Variants in GALNT17 observed in about 807,000 individuals in gnomAD.
The protein encoded by GALNT17 is UDP-GalNAc:polypeptide N-acetylgalactosaminyltransferase-like 3.
A neutral mutation model predicts 63.7 loss-of-function variants in GALNT17; 29 were observed. The ratio of observed to expected loss-of-function variants is 0.46; its 90% CI spans 0.34 to 0.62. The LOEUF is 0.62. Among genes scored for constraint, GALNT17 ranks in the 20% least tolerant of loss-of-function variants. The pLI, the probability that GALNT17 is intolerant of heterozygous loss-of-function variation, is 0.01. For synonymous variants in GALNT17, 305 were observed against 318.3 expected (o/e 0.96, Z 0.45); for missense variants, 603 against 799.6 (o/e 0.75, Z 2.97).
intron 6 of GALNT17, among the ~76,000 whole-genome samples, chr7:71,642,434 A>T (rs559528336): frequency 6.6e-6 from 1 of 152,358 alleles, no homozygotes; most frequent in East Asian, 1.9e-4. Context: ...CTCCAAAAGC[A>T]GGCCCCCAAG....
At chr7:71,522,613 G>T (rs2116756016) in intron 5 of GALNT17, among the ~76,000 whole-genome samples, 1 of 152,168 alleles carries the variant, frequency 6.6e-6, no homozygotes, top group African/African-American at 2.4e-5. Context: ...CTCCCACTGG[G>T]TCCCTCCCAT....
At chr7:71,217,140 G>GGTT (rs1554340002) in intron 1 of GALNT17, among the ~76,000 whole-genome samples, 3 of 95,216 alleles carry the variant, frequency 3.2e-5, no homozygotes, top group Admixed American at 1.0e-4. Context: ...ATTTTTTCGT[G>GGTT]TTTTGTTTTT....
At chr7:71,645,597 T>G (rs1790665459) in intron 6 of GALNT17, among the ~76,000 whole-genome samples, 2 of 152,146 alleles carry the variant, frequency 1.3e-5, no homozygotes, top group South Asian at 4.1e-4. Flanking sequence ...AGTGTGAAAA[T>G]GAACTATTAC....
intron 1 of GALNT17, among the ~76,000 whole-genome samples, chr7:71,235,719 A>C (rs1224798933): frequency 5.3e-5 from 8 of 152,216 alleles, no homozygotes; most frequent in Non-Finnish European, 1.0e-4. Context: ...ACTTCTATTT[A>C]GTCTAGCCTG....
intron 6 of GALNT17, among the ~76,000 whole-genome samples, chr7:71,624,231 G>A (rs186155270): frequency 7.2e-5 from 11 of 152,308 alleles, no homozygotes; most frequent in Admixed American, 7.2e-4. Context: ...TGGGAAGTTA[G>A]GGAGCTGTGC....
intron 1 of GALNT17, among the ~76,000 whole-genome samples, chr7:71,151,392 C>A (rs1050605958): frequency 6.6e-6 from 1 of 151,964 alleles, no homozygotes; most frequent in Admixed American, 6.6e-5. Context: ...GAGGCCGAGG[C>A]GGGCAGATCA....
chr7:71,366,993 A>C (rs1792524491), intron 2 of GALNT17, among the ~76,000 whole-genome samples: 1 of 152,028 alleles, frequency 6.6e-6, no homozygotes, highest in South Asian at 2.1e-4. Flanking sequence ...CATATCACTC[A>C]CTCGGACCGA....
At chr7:71,279,602 T>A (rs1790744655) in intron 1 of GALNT17, among the ~76,000 whole-genome samples, 1 of 151,844 alleles carries the variant, frequency 6.6e-6, no homozygotes, top group Non-Finnish European at 1.5e-5. Context: ...CATTTCCAAA[T>A]AAGATCACAT....
At chr7:71,267,370 T>C (rs80060808) in intron 1 of GALNT17, among the ~76,000 whole-genome samples, 1 of 76,848 alleles carries the variant, frequency 1.3e-5, no homozygotes, top group South Asian at 3.9e-4. Flanking sequence ...TTTTCTAGTT[T>C]TTTTTTTTTT....
chr7:71,185,188 T>G (rs1466914992), intron 1 of GALNT17, among the ~76,000 whole-genome samples: 1 of 135,522 alleles, frequency 7.4e-6, no homozygotes, highest in Non-Finnish European at 1.6e-5. Context: ...TTCCTCTCTC[T>G]GTCTCTCTCT....
intron 6 of GALNT17, among the ~76,000 whole-genome samples, chr7:71,630,335 A>G (rs1387276311): frequency 6.6e-6 from 1 of 152,214 alleles, no homozygotes; most frequent in Non-Finnish European, 1.5e-5. Flanking sequence ...CGTGCCAAAA[A>G]AGCCAAGGAT....
chr7:71,698,303 A>C (rs1166467566), intron 9 of GALNT17, among the ~76,000 whole-genome samples: 3 of 152,190 alleles, frequency 2.0e-5, no homozygotes, highest in African/African-American at 7.2e-5. Flanking sequence ...AAGGAAAATG[A>C]CTGCAGAAGG....
At chr7:71,594,695 A>G (rs930747606) in intron 6 of GALNT17, among the ~76,000 whole-genome samples, 1 of 152,194 alleles carries the variant, frequency 6.6e-6, no homozygotes, top group African/African-American at 2.4e-5. Flanking sequence ...TGAACCAGAC[A>G]AGTAACACAT....
At chr7:71,700,134 A>G (rs1791608899) in intron 9 of GALNT17, among the ~76,000 whole-genome samples, 1 of 151,654 alleles carries the variant, frequency 6.6e-6, no homozygotes, top group South Asian at 2.1e-4. Context: ...TCTACTAAAA[A>G]TACAACAACA....
At chr7:71,572,953 G>T (rs983624977) in intron 6 of GALNT17, among the ~76,000 whole-genome samples, 1 of 151,890 alleles carries the variant, frequency 6.6e-6, no homozygotes, top group Admixed American at 6.6e-5. Context: ...CAGATTGTGG[G>T]ATCATGTAGA....
At chr7:71,330,494 C>A (rs1313066029) in intron 1 of GALNT17, among the ~76,000 whole-genome samples, 2 of 152,152 alleles carry the variant, frequency 1.3e-5, no homozygotes, top group Admixed American at 6.5e-5. Context: ...AACTCCTGAG[C>A]TCAAGCAATC....
chr7:71,524,609 A>C (rs951492602), intron 5 of GALNT17, among the ~76,000 whole-genome samples: 1 of 152,186 alleles, frequency 6.6e-6, no homozygotes, highest in African/African-American at 2.4e-5. Context: ...GATGTTCAAG[A>C]AAGTGAAGTC....
intron 5 of GALNT17, among the ~76,000 whole-genome samples, chr7:71,526,134 A>G (rs959465406): frequency 6.6e-6 from 1 of 152,172 alleles, no homozygotes; most frequent in South Asian, 2.1e-4. Context: ...AGTGCCAGCC[A>G]CAAGTTCTTT....
At chr7:71,447,095 T>C (rs1304144198) in intron 5 of GALNT17, among the ~76,000 whole-genome samples, 1 of 152,194 alleles carries the variant, frequency 6.6e-6, no homozygotes, top group East Asian at 1.9e-4. Flanking sequence ...ACACTGGGTT[T>C]CCTACAATTC....
Sources: gnomAD v4.1 joint callset for allele counts (sites outside exome capture counted in the v4.1 genomes callset) on GRCh38, gnomAD v4.1.1 for gene constraint, MANE v1.5 for transcripts, NCBI Gene and HGNC (gene_info 2026-07-23, HGNC 2026-07-21) for gene names.